The following MTMR3 variants were observed in gnomAD, a reference collection of about 807,000 sequenced individuals.
The protein encoded by MTMR3 is myotubularin related protein 3, also known as phosphatidylinositol-3,5-bisphosphate 3-phosphatase MTMR3.
In MTMR3, 32 loss-of-function variants were observed where a neutral mutation model predicts 132.4. The observed-to-expected ratio is 0.24, with a 90% confidence interval of 0.18 to 0.32. The LOEUF (loss-of-function observed/expected upper bound fraction) is 0.32. Ranked by LOEUF, MTMR3 falls within the 10% of genes least tolerant of loss-of-function variation. MTMR3 has a pLI of 1.00. For synonymous variants in MTMR3, 556 were observed against 550.3 expected, an observed-to-expected ratio of 1.01 and a Z score of -0.14; for missense variants, 1,216 against 1,489.6, an observed-to-expected ratio of 0.82 and a Z score of 3.02.
intron 9 of MTMR3, 24 bp from the exon 10 acceptor site, chr22:30,007,087 AGTT>A (rs1569046317): frequency 1.2e-6 from 2 of 1,611,486 alleles, no homozygotes; most frequent in East Asian, 2.2e-5. Flanking sequence ...GAATGGGTAC[AGTT>A]GTTGTCTCTT....
intron 3 of MTMR3, among the ~76,000 whole-genome samples, chr22:29,974,866 T>G (rs1472037435): frequency 6.6e-6 from 1 of 152,238 alleles, no homozygotes; most frequent in Non-Finnish European, 1.5e-5. Flanking sequence ...TACTTTTATG[T>G]AAGATTTTTG....
chr22:30,007,291 T>C lies in MTMR3; in HGVS notation c.849T>C (p.Asn283=). 1 of 1,614,186 alleles carries C rather than the reference T, an allele frequency of 6.2e-7. No individual in the cohort carries two copies. Among genetic ancestry groups the C allele is most frequent in the South Asian group, 1.1e-5 (1 of 91,090 alleles). The change falls in exon 10 of 20, where the codon AAT becomes AAC. Residue 283 remains asparagine (N), a synonymous_variant. Coordinates refer to ENST00000401950, the MANE Select transcript of MTMR3 (RefSeq NM_021090.4). Reference sequence around the variant, plus strand: ...GGAACACTTCTCGAGACTTTCCCAATGGGGGAGACCTTTCTGACGTGGAGT... The same window carrying C: ...GGAACACTTCTCGAGACTTTCCCAACGGGGGAGACCTTTCTGACGTGGAGT... The part of the protein sequence containing the change: ...STRNTSRDFP[N]GGDLSDVEFD...
intron 3 of MTMR3, among the ~76,000 whole-genome samples, chr22:29,976,203 C>T (rs1381341820): frequency 6.6e-6 from 1 of 150,796 alleles, no homozygotes; most frequent in African/African-American, 2.4e-5. Flanking sequence ...CTATAAAGTT[C>T]ATGGTGGGAG....
chr22:29,943,243 A>C (rs1034933835), intron 1 of MTMR3, among the ~76,000 whole-genome samples: 3 of 151,366 alleles, frequency 2.0e-5, no homozygotes, highest in Non-Finnish European at 4.4e-5. Flanking sequence ...CCCAGGCTGG[A>C]GTGCAGTGGC....
rs1003838585 is a variant in MTMR3 at position 29,978,659 on chromosome 22, T to C, written c.93+128T>C. 14 of 709,484 alleles carry C rather than the reference T, an allele frequency of 2.0e-5. No individual in the cohort carries two copies. The African/African-American group carries it at 2.2e-4, about 11-fold the overall frequency. 43.9% of individuals were successfully genotyped at this position (709,484 alleles called of 1,614,324 possible). On this transcript the variant is annotated intron_variant, in intron 4 of 19. Transcript: ENST00000401950. The stretch of plus-strand genomic sequence containing the variant: ...ACATACATGTAGTAGAAATGCAAGC[T>C]GGAAAACATCTCATTTTAGCAAGAC...
intron 9 of MTMR3, chr22:30,006,642 C>T (rs1254028086): frequency 6.4e-6 from 1 of 157,262 alleles, no homozygotes; most frequent in African/African-American, 2.4e-5. Context: ...TCTGCAACTT[C>T]AGCCTTCTGG....
At position 29,936,258 on chromosome 22, in the gene MTMR3, A is replaced by G. The variant is rs78419060; in HGVS notation, c.-137-20778A>G. ...ACCCCATAATGAATTTTTTTGGGGA[A>G]AGTCAGATTATTTGGTTATGCTTGG... On this transcript the variant is annotated intron_variant, in intron 1 of 19. Transcript: ENST00000401950. Among the ~76,000 whole-genome samples, 680 of 152,298 alleles carry G rather than the reference A, an allele frequency of 4.5e-3. 6 individuals carry two copies. Among genetic ancestry groups the G allele is most frequent in the African/African-American group, 0.015 (643 of 41,574 alleles).
intron 1 of MTMR3, among the ~76,000 whole-genome samples, chr22:29,896,869 T>TCTCACACA (rs145703649): frequency 0.037 from 5,163 of 138,188 alleles, 207 homozygotes; most frequent in East Asian, 0.24. Context: ...CAGGCTTGTC[T>TCTCACACA]CACACACACA....
At chr22:29,957,553 G>A (rs2066224044) in intron 2 of MTMR3, among the ~76,000 whole-genome samples, 1 of 151,976 alleles carries the variant, frequency 6.6e-6, no homozygotes, top group Non-Finnish European at 1.5e-5. Context: ...CTGGGCTACA[G>A]CAATCCTCCT....
Position 29,928,210 on chromosome 22 carries a change from TC to T in MTMR3, c.-137-28821del, listed in dbSNP as rs1164094716. On this transcript the variant is annotated intron_variant, in intron 1 of 19. Transcript: ENST00000401950. ...TTTTTTAGACAAAGTCTTGCTCTTGTCCCCCAGGCTGGAGTACGATGGCATG... is the reference window on the plus strand; with the variant it reads ...TTTTTTAGACAAAGTCTTGCTCTTGTCCCCAGGCTGGAGTACGATGGCATG... Among the ~76,000 whole-genome samples, 37 of 144,556 alleles carry T rather than the reference TC, an allele frequency of 2.6e-4. 1 individual carries two copies. The highest frequency in any genetic ancestry group is 2.4e-3 in the Admixed American group (33 of 13,992). The allele number at this position is 144,556 out of a possible 152,430, so 94.8% of individuals were successfully genotyped here. A position where few individuals can be genotyped will look rare whatever the true frequency, so the allele number is the denominator to read the frequency against.
At position 29,927,599 on chromosome 22, in the gene MTMR3, G is replaced by C. The variant is rs149494964; in HGVS notation, c.-137-29437G>C. On this transcript the variant is annotated intron_variant, in intron 1 of 19. Coordinates refer to ENST00000401950, the MANE Select transcript of MTMR3 (RefSeq NM_021090.4). ...TTCGAGGTGTTTAGCCGGTACTTCT[G>C]TTCTTAGTGGTAGTGGTAGAGGTTT... is the stretch of plus-strand genomic sequence containing the variant. 4.5e-3 allele frequency among the ~76,000 whole-genome samples: 686 copies of C among 152,078 alleles called. 6 individuals are homozygous for C. The highest frequency in any genetic ancestry group is 0.016 in the African/African-American group (648 of 41,474).
At chr22:29,897,901 T>C (rs1367711449) in intron 1 of MTMR3, among the ~76,000 whole-genome samples, 2 of 152,252 alleles carry the variant, frequency 1.3e-5, no homozygotes, top group Non-Finnish European at 2.9e-5. Flanking sequence ...TTATGTAGTA[T>C]TGGGTTTCAA....
chr22:29,919,536 GT>G (rs1233335864), intron 1 of MTMR3, among the ~76,000 whole-genome samples: 2 of 151,834 alleles, frequency 1.3e-5, no homozygotes, highest in Admixed American at 6.6e-5. Flanking sequence ...TTTTGGGCAT[GT>G]TTTTTTTGAG....
At position 30,020,686 on chromosome 22, in the gene MTMR3, G is replaced by T; in HGVS notation, c.3027G>T (p.Gln1009His). ...CATCTGCAACCAGCAGCCCCGACCA[G>T]CCTTCCCGCAGCCACCTGGACGATG... ...GRPSATSSPD[Q>H]PSRSHLDDDG... Residue 1009 changes from glutamine to histidine, a missense_variant, in exon 17 of 20, where the codon CAG becomes CAT. This residue lies in a region of MTMR3 where 852 missense variants were observed against 852.0 expected (regional missense o/e 1.00). Transcript: ENST00000401950. 6.2e-7 allele frequency: 1 copy of T among 1,614,222 alleles called. No homozygotes were observed. The highest frequency in any genetic ancestry group is 8.5e-7 in the Non-Finnish European group (1 of 1,180,046).
At position 29,998,823 on chromosome 22, in the gene MTMR3, G is replaced by C; in HGVS notation, c.523G>C (p.Ala175Pro). 6.2e-7 allele frequency: 1 copy of C among 1,611,560 alleles called. No homozygotes were observed. The highest frequency in any genetic ancestry group is 8.5e-7 in the Non-Finnish European group (1 of 1,178,576). ...GAGGATGGGTTTTGATATGAACAAC[G>C]CCTGGAGGATTTCCAACATCAATGA... Reference protein sequence around the residue: ...VERMGFDMNNAWRISNINEKY... With the variant: ...VERMGFDMNNPWRISNINEKY... The change falls in exon 8 of 20, where the codon GCC becomes CCC. Residue 175 changes from alanine to proline, a missense_variant. Around this residue, in one of 7 missense-constraint regions of MTMR3, gnomAD observed 129 missense variants for 245.7 expected, o/e 0.53. Transcript: ENST00000401950.
chr22:29,941,830 T>C (rs370163523), intron 1 of MTMR3, among the ~76,000 whole-genome samples: 1 of 152,090 alleles, frequency 6.6e-6, no homozygotes, highest in African/African-American at 2.4e-5. Flanking sequence ...AAAAATAAAA[T>C]AATTAACCAG....
intron 8 of MTMR3, chr22:30,001,323 G>A (rs1385779938): frequency 6.6e-6 from 1 of 152,228 alleles, no homozygotes; most frequent in Non-Finnish European, 1.5e-5. Context: ...CCCGGGAGGT[G>A]GAGCTTGCAA....
chr22:29,936,734 T>C (rs2065757375), intron 1 of MTMR3, among the ~76,000 whole-genome samples: 1 of 152,232 alleles, frequency 6.6e-6, no homozygotes, highest in South Asian at 2.1e-4. Flanking sequence ...GAACATTATT[T>C]AGTGACACCA....
intron 19 of MTMR3, 107 bp downstream of exon 19, chr22:30,022,804 G>A: frequency 2.0e-6 from 2 of 991,880 alleles, no homozygotes; most frequent in Non-Finnish European, 3.0e-6. Flanking sequence ...TCTGTCTGAG[G>A]CAGAGCCATG....
Sources: allele counts gnomAD v4.1 joint callset (sites outside exome capture counted in the v4.1 genomes callset), GRCh38; gene constraint gnomAD v4.1.1; regional missense constraint gnomAD v4.1.1; transcripts MANE v1.5; gene names NCBI Gene and HGNC (gene_info 2026-07-23, HGNC 2026-07-21).